The following FGF10 variants were observed in gnomAD, a reference collection of about 807,000 sequenced individuals.
FGF10 encodes the protein FGF-10.
FGF10 carries 2 observed loss-of-function variants against 19.8 expected under a neutral mutation model. The observed-to-expected ratio is 0.10, with a 90% CI of 0.04 to 0.32. FGF10 has a LOEUF of 0.32. Ranked by LOEUF, FGF10 falls within the 10% of genes least tolerant of loss-of-function variation. The probability of loss-of-function intolerance (pLI) is 1.00; values close to 1 mark genes in which losing one functional copy is unlikely to be tolerated. For synonymous variants in FGF10, 112 were observed against 94.0 expected (o/e 1.19, Z -1.10); for missense variants, 191 against 246.3 (o/e 0.78, Z 1.50).
At chr5:44,356,233 G>T (rs1741343764) in intron 1 of FGF10, among the ~76,000 whole-genome samples, 1 of 151,326 alleles carries the variant, frequency 6.6e-6, no homozygotes, top group African/African-American at 2.4e-5. Flanking sequence ...ATATCTAAAG[G>T]CTCTTACACT....
chr5:44,376,124 A>G (rs1008699715), intron 1 of FGF10, among the ~76,000 whole-genome samples: 1 of 152,106 alleles, frequency 6.6e-6, no homozygotes, highest in Non-Finnish European at 1.5e-5. Context: ...TAGGTCCTAT[A>G]TTTAATACAA....
chr5:44,368,292 G>T (rs1290339091), intron 1 of FGF10, among the ~76,000 whole-genome samples: 1 of 152,020 alleles, frequency 6.6e-6, no homozygotes, highest in East Asian at 1.9e-4. Flanking sequence ...GAGTAAAATT[G>T]GAAGTATGCA....
intron 1 of FGF10, among the ~76,000 whole-genome samples, chr5:44,335,620 T>A (rs948205018): frequency 2.6e-5 from 4 of 152,114 alleles, no homozygotes; most frequent in African/African-American, 9.7e-5. Context: ...TAAATTATTT[T>A]TTAGCACATG....
intron 1 of FGF10, among the ~76,000 whole-genome samples, chr5:44,351,629 A>G (rs1313272989): frequency 6.6e-6 from 1 of 151,654 alleles, no homozygotes; most frequent in African/African-American, 2.4e-5. Context: ...AGTCAGTCCC[A>G]TCGTTGGAAT....
intron 1 of FGF10, among the ~76,000 whole-genome samples, chr5:44,363,338 A>G (rs1343349531): frequency 1.3e-5 from 2 of 151,888 alleles, no homozygotes; most frequent in African/African-American, 4.8e-5. Context: ...CTGGAAACTT[A>G]GATAAATGGA....
intron 1 of FGF10, among the ~76,000 whole-genome samples, chr5:44,320,206 T>C (rs1456139247): frequency 6.6e-6 from 1 of 152,190 alleles, no homozygotes; most frequent in Admixed American, 6.5e-5. Flanking sequence ...ACAGAGACCA[T>C]CATAAATCAG....
intron 1 of FGF10, among the ~76,000 whole-genome samples, chr5:44,341,203 T>A (rs1740961475): frequency 6.6e-6 from 1 of 151,978 alleles, no homozygotes; most frequent in Non-Finnish European, 1.5e-5. Flanking sequence ...TGGAAAACAT[T>A]ATGCTTGCTT....
At chr5:44,335,004 T>C (rs1352233800) in intron 1 of FGF10, among the ~76,000 whole-genome samples, 3 of 152,132 alleles carry the variant, frequency 2.0e-5, no homozygotes, top group Non-Finnish European at 4.4e-5. Context: ...TAAAAAGATA[T>C]AATATTGTAT....
chr5:44,362,117 T>C (rs1741496106), intron 1 of FGF10, among the ~76,000 whole-genome samples: 1 of 151,672 alleles, frequency 6.6e-6, no homozygotes, highest in Non-Finnish European at 1.5e-5. Flanking sequence ...CAAGCAGACC[T>C]AGCTTGGCAT....
At chr5:44,371,649 C>G (rs2111886566) in intron 1 of FGF10, among the ~76,000 whole-genome samples, 1 of 152,192 alleles carries the variant, frequency 6.6e-6, no homozygotes, top group African/African-American at 2.4e-5. Context: ...TATCAAACAA[C>G]CAAAGCCCTT....
intron 1 of FGF10, among the ~76,000 whole-genome samples, chr5:44,376,352 C>T (rs749964215): frequency 6.6e-6 from 1 of 151,680 alleles, no homozygotes; most frequent in East Asian, 1.9e-4. Context: ...CGTATATATG[C>T]TGTCTGTATG....
intron 1 of FGF10, among the ~76,000 whole-genome samples, chr5:44,341,235 G>A (rs1291887627): frequency 6.6e-6 from 1 of 151,820 alleles, no homozygotes; most frequent in African/African-American, 2.4e-5. Context: ...ATATTATGCA[G>A]ATTCATTGAA....
At chr5:44,325,089 A>T (rs1047133812) in intron 1 of FGF10, among the ~76,000 whole-genome samples, 1 of 152,190 alleles carries the variant, frequency 6.6e-6, no homozygotes, top group South Asian at 2.1e-4. Flanking sequence ...GGATATGAGC[A>T]GACACAAAAG....
At chr5:44,383,898 G>A (rs10512848) in intron 1 of FGF10, among the ~76,000 whole-genome samples, 2,065 of 152,120 alleles carry the variant, frequency 0.014, 84 homozygotes, top group East Asian at 0.12. Flanking sequence ...TCACTTCTGA[G>A]TTCCTATTTT....
chr5:44,306,345 C>A (rs1377887942), intron 2 of FGF10, among the ~76,000 whole-genome samples: 1 of 152,026 alleles, frequency 6.6e-6, no homozygotes, highest in East Asian at 1.9e-4. Flanking sequence ...TGCAGTGAGC[C>A]GAGATCATTC....
At chr5:44,311,254 A>G (rs1740203533) in intron 1 of FGF10, among the ~76,000 whole-genome samples, 1 of 152,078 alleles carries the variant, frequency 6.6e-6, no homozygotes, top group African/African-American at 2.4e-5. Flanking sequence ...CCCCTTATAC[A>G]CAAGTTTCGA....
intron 1 of FGF10, among the ~76,000 whole-genome samples, chr5:44,327,528 A>G (rs1252604823): frequency 6.6e-6 from 1 of 152,196 alleles, no homozygotes; most frequent in Non-Finnish European, 1.5e-5. Flanking sequence ...TCTTTGTCTC[A>G]CAAACTTGGT....
chr5:44,350,582 T>C (rs72763202), intron 1 of FGF10, among the ~76,000 whole-genome samples: 41,933 of 150,872 alleles, frequency 0.28, 6,181 homozygotes, highest in Admixed American at 0.4. Flanking sequence ...TATACATACA[T>C]ACAACACATA....
intron 1 of FGF10, among the ~76,000 whole-genome samples, chr5:44,321,277 C>A (rs1338251366): frequency 6.6e-6 from 1 of 152,146 alleles, no homozygotes; most frequent in Non-Finnish European, 1.5e-5. Context: ...GATATCAGGG[C>A]ACAATTGTTA....
Sources: allele counts gnomAD v4.1 joint callset (sites outside exome capture counted in the v4.1 genomes callset), GRCh38; gene constraint gnomAD v4.1.1; transcripts MANE v1.5; gene names NCBI Gene and HGNC (gene_info 2026-07-23, HGNC 2026-07-21).